Variants in RGS7 observed in about 807,000 individuals in gnomAD.
RGS7 encodes the protein regulator of G protein signaling 7.
Under a neutral mutation model 81.1 loss-of-function variants are expected in RGS7, and 27 were observed. That is an observed-to-expected ratio of 0.33 (90% CI 0.25 to 0.46). RGS7 has a LOEUF of 0.46. Among genes scored for constraint, RGS7 ranks in the 20% least tolerant of loss-of-function variants. The pLI, the probability that RGS7 is intolerant of heterozygous loss-of-function variation, is 1.00. For missense variants in RGS7, 396 were observed against 607.4 expected (o/e 0.65, Z 3.66); for synonymous variants, 208 against 207.7 (o/e 1.00, Z -0.01).
chr1:240,914,347 C>A (rs545419127), intron 6 of RGS7, among the ~76,000 whole-genome samples: 33 of 152,184 alleles, frequency 2.2e-4, no homozygotes, highest in Non-Finnish European at 4.1e-4. Context: ...TTTATTCATG[C>A]CCTGCCAATT....
chr1:240,933,281 A>G (rs891643500), intron 5 of RGS7, among the ~76,000 whole-genome samples: 1 of 151,940 alleles, frequency 6.6e-6, no homozygotes, highest in Non-Finnish European at 1.5e-5. Context: ...GTGTGTGTGC[A>G]GGCATATCTA....
rs936799951 is a variant in RGS7, at chr1:241,271,009, A to G, written c.78+84690T>C. Among the ~76,000 whole-genome samples the G allele has an allele frequency of 5.3e-5, 8 of 152,126 alleles. No homozygotes were observed. The highest frequency in any genetic ancestry group is 1.7e-4 in the African/African-American group (7 of 41,418). On this transcript the variant is annotated intron_variant, in intron 2 of 18. Coordinates refer to ENST00000440928, the MANE Select transcript of RGS7 (RefSeq NM_001364886.1). This position sits in a 1 kb window ranked among gnomAD's most constrained non-coding sequence, Gnocchi z 4.6. ...CCTGACCTCGTGATCCGCCCGTCTC[A>G]GCCTCCCAAAGTGCTGGGATTCCAG...
intron 3 of RGS7, among the ~76,000 whole-genome samples, chr1:241,088,277 G>A (rs2063597889): frequency 6.6e-6 from 1 of 151,904 alleles, no homozygotes; most frequent in Non-Finnish European, 1.5e-5. Context: ...GATGAGGTCT[G>A]AGAGGCAGGG....
intron 2 of RGS7, among the ~76,000 whole-genome samples, chr1:241,226,207 T>C (rs1170030782): frequency 1.3e-5 from 2 of 152,128 alleles, no homozygotes; most frequent in Admixed American, 1.3e-4. Context: ...AAAAAGGAAA[T>C]CCATCTTACC....
intron 3 of RGS7, among the ~76,000 whole-genome samples, chr1:241,059,492 A>G (rs2061637750): frequency 6.6e-6 from 1 of 152,204 alleles, no homozygotes; most frequent in African/African-American, 2.4e-5. Context: ...ATATTCAGAG[A>G]TGGCTTCAAA....
At chr1:240,844,617 CAGGGATAGAA>C (rs1658722634) in intron 9 of RGS7, among the ~76,000 whole-genome samples, 1 of 152,084 alleles carries the variant, frequency 6.6e-6, no homozygotes, top group South Asian at 2.1e-4. Flanking sequence ...CAAATCTATT[CAGGGATAGAA>C]AGAGCAGACA....
intron 14 of RGS7, among the ~76,000 whole-genome samples, chr1:240,810,897 T>G (rs746595798): frequency 2.0e-5 from 3 of 152,188 alleles, no homozygotes; most frequent in Non-Finnish European, 4.4e-5. Flanking sequence ...GGAAGGAGAA[T>G]AGGAAGCTGC....
At chr1:241,005,390 A>G (rs2058633878) in intron 3 of RGS7, among the ~76,000 whole-genome samples, 1 of 152,180 alleles carries the variant, frequency 6.6e-6, no homozygotes, top group South Asian at 2.1e-4. Context: ...GTAAAAATTT[A>G]AATGCCCTCC....
At chr1:241,327,137 AG>A (rs2081633616) in intron 2 of RGS7, among the ~76,000 whole-genome samples, 2 of 114,206 alleles carry the variant, frequency 1.8e-5, no homozygotes, top group African/African-American at 6.3e-5. Flanking sequence ...AAAGAAAGAA[AG>A]AAAGAAAGGA....
chr1:241,236,167 T>A (rs201821188), intron 2 of RGS7, among the ~76,000 whole-genome samples: 1 of 80,310 alleles, frequency 1.2e-5, no homozygotes. Context: ...AATGACGACC[T>A]CCGCCCCCCA....
At chr1:241,013,140 G>A (rs1030518249) in intron 3 of RGS7, among the ~76,000 whole-genome samples, 3 of 133,008 alleles carry the variant, frequency 2.3e-5, no homozygotes, top group African/African-American at 5.7e-5. Flanking sequence ...TCGGCTCACC[G>A]CAACCTCCAC....
intron 2 of RGS7, among the ~76,000 whole-genome samples, chr1:241,314,749 A>C (rs145177631): frequency 6.6e-6 from 1 of 152,336 alleles, no homozygotes; most frequent in South Asian, 2.1e-4. Flanking sequence ...TCGGGCCCAG[A>C]CACCATCGGA....
At chr1:241,113,549 T>C (rs1346359474) in intron 2 of RGS7, among the ~76,000 whole-genome samples, 7 of 152,208 alleles carry the variant, frequency 4.6e-5, no homozygotes, top group Non-Finnish European at 2.9e-5. Flanking sequence ...CTGACTATAT[T>C]TTTAAAACTG....
intron 13 of RGS7, among the ~76,000 whole-genome samples, chr1:240,812,591 T>C (rs1832907): frequency 0.46 from 69,532 of 151,542 alleles, 17,923 homozygotes; most frequent in Non-Finnish European, 0.58. Context: ...CCTGCCACTA[T>C]GCCCGGCTAC....
chr1:241,255,566 G>C (rs768314895), intron 2 of RGS7, among the ~76,000 whole-genome samples: 18 of 150,558 alleles, frequency 1.2e-4, no homozygotes, highest in Non-Finnish European at 4.5e-5. Context: ...AACCAAGTGA[G>C]GGGGGTAAAG....
At chr1:241,313,365 T>A (rs906080288) in intron 2 of RGS7, among the ~76,000 whole-genome samples, 1 of 152,266 alleles carries the variant, frequency 6.6e-6, no homozygotes, top group African/African-American at 2.4e-5. Flanking sequence ...AAGGACAGGC[T>A]GACTCTCTTG....
chr1:241,291,288 G>T (rs2079072926), intron 2 of RGS7, among the ~76,000 whole-genome samples: 1 of 152,004 alleles, frequency 6.6e-6, no homozygotes, highest in Non-Finnish European at 1.5e-5. Flanking sequence ...TAGGGACCTT[G>T]TCAATGTGTG....
chr1:241,182,264 CTTG>C (rs2071686414), intron 2 of RGS7, among the ~76,000 whole-genome samples: 1 of 152,122 alleles, frequency 6.6e-6, no homozygotes, highest in African/African-American at 2.4e-5. Context: ...CCCAGCCCAT[CTTG>C]TTGTAAATAA....
rs1167264801 is a variant in RGS7, at chr1:241,018,684, A to C, written c.176-35555T>G. Among the ~76,000 whole-genome samples the C allele has an allele frequency of 2.0e-5, 3 of 151,974 alleles. No homozygotes were observed. In the South Asian group the frequency reaches 6.2e-4, roughly 32 times the overall value. On this transcript the variant is annotated intron_variant, in intron 3 of 18. Coordinates refer to ENST00000440928, the MANE Select transcript of RGS7 (RefSeq NM_001364886.1). ...GGGGCATTCTATAAACTTCTGCATA[A>C]GTCTCATTTAGTGAGACTTTTTCTT...
Sources: allele counts gnomAD v4.1 joint callset (sites outside exome capture counted in the v4.1 genomes callset), GRCh38; gene constraint gnomAD v4.1.1; non-coding constraint Gnocchi (gnomAD v3.1); transcripts MANE v1.5; gene names NCBI Gene and HGNC (gene_info 2026-07-23, HGNC 2026-07-21).